Variants in GRID2 observed in about 807,000 individuals in gnomAD.
The protein encoded by GRID2 is glutamate receptor ionotropic, delta-2.
Under a neutral mutation model 114.8 loss-of-function variants are expected in GRID2, and 33 were observed. That is an observed-to-expected ratio of 0.29 (90% CI 0.22 to 0.38). The LOEUF is 0.38. Ranked by LOEUF, GRID2 falls within the 10% of genes least tolerant of loss-of-function variation. GRID2 has a pLI of 1.00. For missense variants in GRID2, 1,184 were observed against 1,257.7 expected (o/e 0.94, Z 0.89); for synonymous variants, 505 against 449.9 (o/e 1.12, Z -1.55).
intron 8 of GRID2, among the ~76,000 whole-genome samples, chr4:93,239,491 T>C (rs773853565): frequency 2.0e-5 from 3 of 151,382 alleles, no homozygotes; most frequent in African/African-American, 4.8e-5. Flanking sequence ...TTTTTAGTGC[T>C]GAGATGTAAG....
intron 8 of GRID2, among the ~76,000 whole-genome samples, chr4:93,392,507 T>C (rs891112804): frequency 3.9e-5 from 6 of 152,122 alleles, no homozygotes; most frequent in South Asian, 2.1e-4. Context: ...CTTATTATTT[T>C]AAAAAGTTAT....
At chr4:93,400,209 G>T (rs746454934) in intron 9 of GRID2, among the ~76,000 whole-genome samples, 3 of 151,932 alleles carry the variant, frequency 2.0e-5, no homozygotes, top group Non-Finnish European at 4.4e-5. Flanking sequence ...TGAGATGTGA[G>T]GATTGCATAT....
intron 1 of GRID2, among the ~76,000 whole-genome samples, chr4:92,475,311 CAT>C (rs1437928989): frequency 6.6e-6 from 1 of 151,378 alleles, no homozygotes; most frequent in Non-Finnish European, 1.5e-5. Context: ...TCAGGACTTA[CAT>C]TTAATCTTTA....
intron 2 of GRID2, among the ~76,000 whole-genome samples, chr4:92,645,177 G>A (rs967402407): frequency 1.3e-5 from 2 of 151,198 alleles, no homozygotes; most frequent in African/African-American, 4.8e-5. Flanking sequence ...GTTTTAAAAG[G>A]ATCCAAATAA....
intron 2 of GRID2, among the ~76,000 whole-genome samples, chr4:93,073,076 A>G (rs1449786230): frequency 6.6e-6 from 1 of 152,198 alleles, no homozygotes; most frequent in East Asian, 1.9e-4. Context: ...TGCAGTAAAA[A>G]GTAACCTCTC....
chr4:92,759,703 C>A (rs1737896632), intron 2 of GRID2, among the ~76,000 whole-genome samples: 1 of 152,014 alleles, frequency 6.6e-6, no homozygotes, highest in East Asian at 2.0e-4. Context: ...CTCCCAGGTA[C>A]AAGGATTCTC....
chr4:92,477,194 C>G (rs1286468198), intron 1 of GRID2, among the ~76,000 whole-genome samples: 1 of 151,800 alleles, frequency 6.6e-6, no homozygotes, highest in African/African-American at 2.4e-5. Context: ...CTTGAAAACT[C>G]TAGCACAATA....
intron 4 of GRID2, among the ~76,000 whole-genome samples, chr4:93,186,552 A>T (rs973650576): frequency 6.6e-6 from 1 of 152,182 alleles, no homozygotes; most frequent in Non-Finnish European, 1.5e-5. Context: ...GCTTCTCTAC[A>T]TCTCCCTACA....
At chr4:92,541,425 T>G (rs1222754573) in intron 1 of GRID2, among the ~76,000 whole-genome samples, 1 of 151,986 alleles carries the variant, frequency 6.6e-6, no homozygotes, top group African/African-American at 2.4e-5. Context: ...ACTTTAATCT[T>G]TATATTTGAA....
chr4:93,543,589 T>C (rs1389904008), intron 13 of GRID2, among the ~76,000 whole-genome samples: 2 of 152,200 alleles, frequency 1.3e-5, no homozygotes, highest in Non-Finnish European at 2.9e-5. Flanking sequence ...AAATAGAATG[T>C]ATTAATGTCT....
intron 14 of GRID2, among the ~76,000 whole-genome samples, chr4:93,755,204 C>T (rs539838508): frequency 5.3e-5 from 8 of 152,214 alleles, no homozygotes; most frequent in African/African-American, 9.6e-5. Context: ...AATTTTCTTT[C>T]GAATAACTGC....
chr4:92,454,414 A>G (rs1721102403), intron 1 of GRID2, among the ~76,000 whole-genome samples: 1 of 152,242 alleles, frequency 6.6e-6, no homozygotes, highest in Non-Finnish European at 1.5e-5. Context: ...GATTCTCCAT[A>G]TAAATACAGT....
At chr4:93,401,044 G>A (rs1765834297) in intron 9 of GRID2, among the ~76,000 whole-genome samples, 1 of 151,940 alleles carries the variant, frequency 6.6e-6, no homozygotes, top group African/African-American at 2.4e-5. Flanking sequence ...TGTTGCCCAA[G>A]CTGGTCTTGA....
rs950990728 is a variant in GRID2 at position 92,800,025 on chromosome 4, A to ATTT, written c.244+209740_244+209741insTTT. ...GTAAATTACAATTCCTATAATTAAT[A>ATTT]TAATTCTCATTTGCACTACGTCAGT... is the stretch of plus-strand genomic sequence containing the variant. On this transcript the variant is annotated intron_variant, in intron 2 of 15. Coordinates refer to ENST00000282020, the MANE Select transcript of GRID2 (RefSeq NM_001510.4). Among the ~76,000 whole-genome samples, 7 of 152,126 alleles carry ATTT rather than the reference A, an allele frequency of 4.6e-5. 1 individual carries two copies. Among genetic ancestry groups the ATTT allele is most frequent in the Admixed American group, 6.6e-5 (1 of 15,266 alleles).
intron 13 of GRID2, among the ~76,000 whole-genome samples, chr4:93,623,171 A>C (rs1742368935): frequency 6.6e-6 from 1 of 151,944 alleles, no homozygotes; most frequent in African/African-American, 2.4e-5. Flanking sequence ...TATTATTATT[A>C]TACTTTAAGT....
At chr4:92,322,104 G>A (rs532397310) in intron 1 of GRID2, among the ~76,000 whole-genome samples, 95 of 152,210 alleles carry the variant, frequency 6.2e-4, no homozygotes, top group Admixed American at 1.8e-3. Flanking sequence ...ATCAAATAGG[G>A]TTCCCTGTTT....
intron 2 of GRID2, among the ~76,000 whole-genome samples, chr4:92,730,469 A>G (rs1316389545): frequency 6.6e-6 from 1 of 151,988 alleles, no homozygotes; most frequent in Non-Finnish European, 1.5e-5. Context: ...AAATTAATGA[A>G]TTTTAACAGA....
chr4:92,960,256 A>C (rs1752713393), intron 2 of GRID2, among the ~76,000 whole-genome samples: 1 of 152,112 alleles, frequency 6.6e-6, no homozygotes, highest in Admixed American at 6.6e-5. Context: ...TGAAGTACCC[A>C]ATAGAGGTCA....
rs557713107 is a variant in GRID2 at position 92,761,816 on chromosome 4, A to G, written c.244+171530A>G. On this transcript the variant is annotated intron_variant, in intron 2 of 15. Coordinates refer to ENST00000282020, the MANE Select transcript of GRID2 (RefSeq NM_001510.4). ...ACTCAAATCAGCCACTTCCTCAGCC[A>G]AGGGTTCTAAGCAAAGGTATGTCAG... 2.6e-5 allele frequency among the ~76,000 whole-genome samples: 4 copies of G among 152,318 alleles called. No individual in the cohort carries two copies. The East Asian group carries it at 7.7e-4, about 29-fold the overall frequency.
Sources: allele counts gnomAD v4.1 joint callset (sites outside exome capture counted in the v4.1 genomes callset), GRCh38; gene constraint gnomAD v4.1.1; transcripts MANE v1.5; gene names NCBI Gene and HGNC (gene_info 2026-07-23, HGNC 2026-07-21).